The following RYR3 variants were observed in gnomAD, a reference collection of about 807,000 sequenced individuals.
RYR3 encodes brain ryanodine receptor-calcium release channel.
Under a neutral mutation model 584.3 loss-of-function variants are expected in RYR3, and 207 were observed. That is an observed-to-expected ratio of 0.35 (90% CI 0.32 to 0.40). The LOEUF (loss-of-function observed/expected upper bound fraction) is 0.40, where lower values mean the gene tolerates loss of function less well. RYR3 is among the 10% of genes least tolerant of loss of function. RYR3 has a pLI of 1.00. For synonymous variants in RYR3, 2,416 were observed against 2,248.5 expected, an observed-to-expected ratio of 1.07 and a Z score of -2.11; for missense variants, 5,616 against 6,089.2, an observed-to-expected ratio of 0.92 and a Z score of 2.59.
In RYR3 at chr15:33,357,111, G is replaced by C. The variant is rs568098945; in HGVS notation, c.51+46015G>C. Among the ~76,000 whole-genome samples the C allele has an allele frequency of 3.3e-5, 5 of 152,178 alleles. No homozygotes were observed. The South Asian group carries it at 1.0e-3, about 32-fold the overall frequency. On this transcript the variant is annotated intron_variant, in intron 1 of 103. Transcript: ENST00000634891. Reference sequence around the variant, plus strand: ...CTTTGCTTTCCTACCACGTGGCCTGGTCCTGGACATATGTGGTGTTTGCAG... The same window carrying C: ...CTTTGCTTTCCTACCACGTGGCCTGCTCCTGGACATATGTGGTGTTTGCAG...
intron 16 of RYR3, among the ~76,000 whole-genome samples, chr15:33,587,437 C>T (rs988215179): frequency 3.3e-5 from 5 of 152,184 alleles, no homozygotes; most frequent in Non-Finnish European, 7.3e-5. Flanking sequence ...TAATAAATAA[C>T]CAACTTTGTT....
intron 1 of RYR3, among the ~76,000 whole-genome samples, chr15:33,314,731 G>A (rs1171351570): frequency 6.7e-6 from 1 of 150,288 alleles, no homozygotes; most frequent in Non-Finnish European, 1.5e-5. Context: ...TGGCTAACAC[G>A]GTGAAACCCC....
intron 1 of RYR3, among the ~76,000 whole-genome samples, chr15:33,439,658 T>C (rs2046050345): frequency 6.6e-6 from 1 of 152,224 alleles, no homozygotes; most frequent in African/African-American, 2.4e-5. Context: ...AAAATAGTTG[T>C]GTGATCATGG....
At chr15:33,453,182 A>G (rs1339866667) in intron 1 of RYR3, among the ~76,000 whole-genome samples, 2 of 152,202 alleles carry the variant, frequency 1.3e-5, no homozygotes, top group South Asian at 2.1e-4. Context: ...TAAATCATCC[A>G]TTTGTTGGCT....
rs142174346 is a variant in RYR3, at chr15:33,706,626, T to A, written c.6484-293T>A. On this transcript the variant is annotated intron_variant, in intron 42 of 103. Coordinates refer to ENST00000634891, the MANE Select transcript of RYR3 (RefSeq NM_001036.6). ...TATATATCACGTTTTGCTTATTCAT[T>A]CATTCATCCATCAGTGGCCACGTGG... is the stretch of plus-strand genomic sequence containing the variant. Among the ~76,000 whole-genome samples the A allele has an allele frequency of 1.3e-3, 205 of 152,366 alleles. 3 individuals are homozygous for A. In the East Asian group the frequency reaches 0.018, roughly 14 times the overall value.
chr15:33,333,046 A>G, intron 1 of RYR3, among the ~76,000 whole-genome samples: 1 of 149,862 alleles, frequency 6.7e-6, no homozygotes, highest in Non-Finnish European at 1.5e-5. Context: ...AACTGAGGCA[A>G]TAATAAATAG....
At chr15:33,630,678 T>C (rs931013284) in intron 22 of RYR3, among the ~76,000 whole-genome samples, 1 of 152,226 alleles carries the variant, frequency 6.6e-6, no homozygotes, top group Admixed American at 6.5e-5. Flanking sequence ...TTGTACTTCA[T>C]GGTTTTAAGC....
intron 67 of RYR3, among the ~76,000 whole-genome samples, chr15:33,794,043 C>CATATTATATATAATATATACATAA (rs1596622488): frequency 2.8e-5 from 1 of 35,268 alleles, no homozygotes; most frequent in African/African-American, 5.0e-5. Context: ...TACATAAATA[C>CATATTATATATAATATATACATAA]ATATATATAA....
At chr15:33,723,995 C>A in intron 44 of RYR3, 70 bp from the exon 45 acceptor site, 4 of 774,072 alleles carry the variant, frequency 5.2e-6, no homozygotes, top group Non-Finnish European at 4.5e-6. Context: ...CCATATCAAG[C>A]AGCTTATGTC....
chr15:33,581,770 T>G, intron 14 of RYR3, 127 bp downstream of exon 14: 4 of 796,530 alleles, frequency 5.0e-6, no homozygotes. Context: ...TTAGAAGTCT[T>G]TTGTTAACCA....
Position 33,860,663 on chromosome 15 carries a change from A to T in RYR3, c.14364+4A>T, listed in dbSNP as rs1308136645. 1 of 1,574,912 alleles carries T rather than the reference A, an allele frequency of 6.3e-7. No homozygotes were observed. Among genetic ancestry groups the T allele is most frequent in the East Asian group, 2.3e-5 (1 of 44,268 alleles). On this transcript the variant is annotated splice_donor_region_variant and intron_variant, in intron 101 of 103. Coordinates refer to ENST00000634891, the MANE Select transcript of RYR3 (RefSeq NM_001036.6). ...ACAAGTACGAGAAGATATGGAGGTA[A>T]TGTTACTCTAACTACTAATCCCAGC...
intron 97 of RYR3, 70 bp from the exon 98 acceptor site, chr15:33,854,696 G>GA: frequency 6.5e-7 from 1 of 1,532,074 alleles, no homozygotes; most frequent in Non-Finnish European, 8.8e-7. Context: ...CCCAAAATAA[G>GA]AAAAAATGTT....
intron 94 of RYR3, chr15:33,851,887 T>A (rs1045402007): frequency 1.3e-5 from 2 of 152,146 alleles, no homozygotes; most frequent in Non-Finnish European, 2.9e-5. Context: ...AAAGTCAAAA[T>A]AATTGTTATT....
chr15:33,583,268 G>T (rs1348568198), intron 14 of RYR3, among the ~76,000 whole-genome samples: 1 of 152,184 alleles, frequency 6.6e-6, no homozygotes, highest in Admixed American at 6.5e-5. Flanking sequence ...ATATTTTATA[G>T]TTACATGTTG....
At chr15:33,827,097 G>GAA in intron 84 of RYR3, 102 bp from the exon 85 acceptor site, 1 of 978,326 alleles carries the variant, frequency 1.0e-6, no homozygotes, top group Non-Finnish European at 1.6e-6. Flanking sequence ...ATTCTTGTAA[G>GAA]CCTTTTCACA....
At chr15:33,750,404 C>T in intron 57 of RYR3, 118 bp downstream of exon 57, 2 of 1,011,370 alleles carry the variant, frequency 2.0e-6, no homozygotes, top group Non-Finnish European at 1.4e-6. Flanking sequence ...AAAATGAGAA[C>T]ATTTTTATTT....
chr15:33,478,738 G>A (rs1005291787), intron 2 of RYR3, among the ~76,000 whole-genome samples: 3 of 152,098 alleles, frequency 2.0e-5, no homozygotes. Context: ...AGATATATCC[G>A]GAACCCCAAT....
intron 64 of RYR3, among the ~76,000 whole-genome samples, chr15:33,777,467 C>T (rs1355996600): frequency 1.3e-5 from 2 of 152,130 alleles, no homozygotes; most frequent in African/African-American, 2.4e-5. Context: ...ACAGACTTCT[C>T]AGTTTTACTT....
chr15:33,514,873 G>A (rs182960493), intron 3 of RYR3, among the ~76,000 whole-genome samples: 3,435 of 151,928 alleles, frequency 0.023, 101 homozygotes, highest in African/African-American at 0.072. Flanking sequence ...GCATGGTGGC[G>A]GGCGCCTGTA....
Sources: allele counts gnomAD v4.1 joint callset (sites outside exome capture counted in the v4.1 genomes callset), GRCh38; gene constraint gnomAD v4.1.1; transcripts MANE v1.5; gene names NCBI Gene and HGNC (gene_info 2026-07-23, HGNC 2026-07-21).